Variants in TOP6BL observed in about 807,000 individuals in gnomAD.
The protein encoded by TOP6BL is type 2 DNA topoisomerase 6 subunit B-like.
the TOP6BL span, among the ~76,000 whole-genome samples, chr11:66,803,468 G>A: frequency 1.3e-5 from 2 of 152,124 alleles, no homozygotes; most frequent in African/African-American, 4.8e-5. Context: ...TCGCTCTGTT[G>A]CTCAGGCTGG....
At chr11:66,815,017 A>G in the TOP6BL span, among the ~76,000 whole-genome samples, 21 of 152,176 alleles carry the variant, frequency 1.4e-4, no homozygotes, top group Non-Finnish European at 2.8e-4. Context: ...GAAATTTAGA[A>G]GGTAGTCTGG....
At chr11:66,816,684 C>A in the TOP6BL span, among the ~76,000 whole-genome samples, 28 of 152,174 alleles carry the variant, frequency 1.8e-4, no homozygotes, top group African/African-American at 5.1e-4. Context: ...GCTTCAGCCT[C>A]CCAAGTAGCT....
the TOP6BL span, chr11:66,756,205 T>C: frequency 6.1e-6 from 5 of 815,936 alleles, no homozygotes; most frequent in Non-Finnish European, 7.4e-6. Flanking sequence ...TATGTAGTCA[T>C]TTAAATTTGG....
the TOP6BL span, among the ~76,000 whole-genome samples, chr11:66,833,367 T>G: frequency 6.6e-6 from 1 of 152,282 alleles, no homozygotes; most frequent in Non-Finnish European, 1.5e-5. Context: ...AAATCCAGGC[T>G]AATCCTGTCT....
At chr11:66,782,781 A>G in the TOP6BL span, among the ~76,000 whole-genome samples, 1 of 152,168 alleles carries the variant, frequency 6.6e-6, no homozygotes. Context: ...TGGGAGGAGA[A>G]GCCCCAGTAC....
At chr11:66,783,493 A>T in the TOP6BL span, among the ~76,000 whole-genome samples, 2 of 152,126 alleles carry the variant, frequency 1.3e-5, no homozygotes, top group Non-Finnish European at 2.9e-5. Flanking sequence ...TTGCTAACTC[A>T]TGGGTTTTTT....
the TOP6BL span, among the ~76,000 whole-genome samples, chr11:66,776,550 G>T: frequency 6.6e-6 from 1 of 152,074 alleles, no homozygotes; most frequent in Non-Finnish European, 1.5e-5. Flanking sequence ...CACTTTGGGA[G>T]GTCAAGATTG....
the TOP6BL span, chr11:66,814,153 T>G: frequency 1.1e-6 from 1 of 931,968 alleles, no homozygotes; most frequent in South Asian, 1.8e-5. Context: ...GGGGTCAGGG[T>G]CTGGCCAAAT....
the TOP6BL span, among the ~76,000 whole-genome samples, chr11:66,836,223 G>A: frequency 6.6e-6 from 1 of 151,994 alleles, no homozygotes; most frequent in Non-Finnish European, 1.5e-5. Flanking sequence ...ATTTGCTGTT[G>A]TTGTTGTTGT....
At chr11:66,754,208 T>G in the TOP6BL span, among the ~76,000 whole-genome samples, 9 of 152,226 alleles carry the variant, frequency 5.9e-5, no homozygotes, top group Non-Finnish European at 1.5e-5. Flanking sequence ...GCAAGACTTT[T>G]AAACCTGGAA....
the TOP6BL span, among the ~76,000 whole-genome samples, chr11:66,824,754 T>C: frequency 5.9e-5 from 9 of 152,032 alleles, no homozygotes; most frequent in Admixed American, 3.3e-4. Context: ...GTTTCATGCA[T>C]GTCCCTACAA....
At chr11:66,746,226 T>C in the TOP6BL span, among the ~76,000 whole-genome samples, 1 of 152,188 alleles carries the variant, frequency 6.6e-6, no homozygotes, top group African/African-American at 2.4e-5. Flanking sequence ...TCTCCCTGCC[T>C]TTAAAAAGGG....
At chr11:66,786,275 G>C in the TOP6BL span, among the ~76,000 whole-genome samples, 4 of 151,470 alleles carry the variant, frequency 2.6e-5, no homozygotes, top group Non-Finnish European at 5.9e-5. Flanking sequence ...TGCAGCCTGG[G>C]TGACAGAGCA....
the TOP6BL span, chr11:66,822,780 G>C: frequency 2.8e-6 from 2 of 725,076 alleles, no homozygotes; most frequent in Non-Finnish European, 4.7e-6. Context: ...AAGGTAGGAG[G>C]ATTGCTTGAG....
At chr11:66,828,100 C>T in the TOP6BL span, among the ~76,000 whole-genome samples, 4 of 151,986 alleles carry the variant, frequency 2.6e-5, no homozygotes, top group African/African-American at 9.6e-5. Flanking sequence ...GTATCTCAGG[C>T]CTTCTTTTTT....
chr11:66,817,464 A>T, the TOP6BL span, among the ~76,000 whole-genome samples: 1 of 152,048 alleles, frequency 6.6e-6, no homozygotes. Flanking sequence ...TTTGAGACAG[A>T]GTCTCCCTCT....
chr11:66,768,274 G>T, the TOP6BL span, among the ~76,000 whole-genome samples: 1 of 151,774 alleles, frequency 6.6e-6, no homozygotes, highest in Non-Finnish European at 1.5e-5. Context: ...TTAAGTCTGA[G>T]ATTCTTGTAT....
chr11:66,784,956 CTTTT>C, the TOP6BL span, among the ~76,000 whole-genome samples: 1 of 95,120 alleles, frequency 1.1e-5, no homozygotes, highest in African/African-American at 4.5e-5. Flanking sequence ...TCTAAGATTT[CTTTT>C]TTTTTTTTTT....
chr11:66,801,205 C>G, the TOP6BL span: 2 of 1,205,436 alleles, frequency 1.7e-6, no homozygotes, highest in Non-Finnish European at 2.4e-6. Context: ...TTTGTAAGTG[C>G]CAGGTGTCAG....
Sources: allele counts gnomAD v4.1 joint callset (sites outside exome capture counted in the v4.1 genomes callset), GRCh38; gene constraint gnomAD v4.1.1; transcripts MANE v1.5; gene names NCBI Gene and HGNC (gene_info 2026-07-23, HGNC 2026-07-21).